ROBO1: variants seen among roughly 807,000 people sequenced by gnomAD.
The protein encoded by ROBO1 is roundabout guidance receptor 1.
Under a neutral mutation model 195.9 loss-of-function variants are expected in ROBO1, and 149 were observed. That is an observed-to-expected ratio of 0.76 (90% CI 0.67 to 0.87). The LOEUF (loss-of-function observed/expected upper bound fraction) is 0.87, where lower values mean the gene tolerates loss of function less well. Among genes scored for constraint, ROBO1 ranks in the 40% least tolerant of loss-of-function variants. ROBO1 has a pLI of 0.00. For missense variants in ROBO1, 1,933 were observed against 2,068.3 expected (o/e 0.93, Z 1.27); for synonymous variants, 816 against 733.2 (o/e 1.11, Z -1.82).
At chr3:79,067,724 A>C (rs1335887981) in intron 3 of ROBO1, among the ~76,000 whole-genome samples, 1 of 152,020 alleles carries the variant, frequency 6.6e-6, no homozygotes, top group African/African-American at 2.4e-5. Context: ...GTGGCAAATT[A>C]AACTAAAACT....
At chr3:79,560,169 A>G (rs1307431230) in intron 2 of ROBO1, among the ~76,000 whole-genome samples, 1 of 151,976 alleles carries the variant, frequency 6.6e-6, no homozygotes, top group African/African-American at 2.4e-5. Context: ...AATACTTGCC[A>G]CAACACATAT....
At chr3:79,578,857 G>T (rs754004709) in intron 2 of ROBO1, among the ~76,000 whole-genome samples, 6 of 152,156 alleles carry the variant, frequency 3.9e-5, no homozygotes, top group East Asian at 3.9e-4. Flanking sequence ...AACCACAATT[G>T]TATCACTATA....
At chr3:79,294,014 C>T (rs1252788155) in intron 2 of ROBO1, among the ~76,000 whole-genome samples, 7 of 136,740 alleles carry the variant, frequency 5.1e-5, no homozygotes, top group African/African-American at 1.1e-4. Context: ...GCCGAGATCG[C>T]GCCACTGCAC....
chr3:79,471,297 T>A (rs1456141873), intron 2 of ROBO1, among the ~76,000 whole-genome samples: 1 of 152,018 alleles, frequency 6.6e-6, no homozygotes, highest in Non-Finnish European at 1.5e-5. Context: ...AAATAAAAAA[T>A]AGATAAATGG....
intron 2 of ROBO1, among the ~76,000 whole-genome samples, chr3:79,491,199 A>G (rs988906236): frequency 1.3e-5 from 2 of 148,208 alleles, no homozygotes. Flanking sequence ...AAATGGAAGG[A>G]AAGGGGTGGA....
chr3:78,756,593 GTC>G (rs1221215658), intron 4 of ROBO1, among the ~76,000 whole-genome samples: 1 of 152,112 alleles, frequency 6.6e-6, no homozygotes, highest in Non-Finnish European at 1.5e-5. Context: ...ACAAGACAAA[GTC>G]TCTGCTTTCA....
intron 2 of ROBO1, among the ~76,000 whole-genome samples, chr3:79,546,507 T>C (rs1246897708): frequency 6.6e-6 from 1 of 152,218 alleles, no homozygotes; most frequent in Non-Finnish European, 1.5e-5. Context: ...ACATGATTTG[T>C]AAGAGTTAAG....
intron 4 of ROBO1, among the ~76,000 whole-genome samples, chr3:78,805,487 AAAC>A (rs2084508744): frequency 6.6e-6 from 1 of 152,086 alleles, no homozygotes; most frequent in Admixed American, 6.6e-5. Flanking sequence ...GACTTTTACT[AAAC>A]AAATGTATCT....
chr3:79,066,506 T>A (rs763134846), intron 3 of ROBO1, among the ~76,000 whole-genome samples: 2 of 151,940 alleles, frequency 1.3e-5, no homozygotes, highest in African/African-American at 2.4e-5. Flanking sequence ...CACTTTGTAA[T>A]GAGAACACTG....
At chr3:79,500,205 G>C (rs188302728) in intron 2 of ROBO1, among the ~76,000 whole-genome samples, 1 of 128,528 alleles carries the variant, frequency 7.8e-6, no homozygotes, top group Non-Finnish European at 1.6e-5. Flanking sequence ...ATCTCAGCTC[G>C]CTGCAACCTC....
intron 2 of ROBO1, among the ~76,000 whole-genome samples, chr3:79,310,578 G>A (rs2109092562): frequency 6.6e-6 from 1 of 152,208 alleles, no homozygotes; most frequent in South Asian, 2.1e-4. Flanking sequence ...TGTAAGTAGG[G>A]TGGTTATAGT....
In ROBO1 at chr3:79,166,628, C is replaced by T. The variant is rs367710611; in HGVS notation, c.89-41089G>A. 9.4e-5 allele frequency among the ~76,000 whole-genome samples: 14 copies of T among 148,400 alleles called. No homozygotes were observed. In the Middle Eastern group the frequency reaches 0.011, roughly 113 times the overall value. On this transcript the variant is annotated intron_variant, in intron 2 of 30. Coordinates refer to ENST00000464233, the MANE Select transcript of ROBO1 (RefSeq NM_002941.4). The stretch of plus-strand genomic sequence containing the variant: ...TCGCACAGGCTGGAGTGCAGTGGTG[C>T]AATCTCGGCTCACTGCAAGCTCCGC...
chr3:78,955,662 T>G (rs1253844353), intron 3 of ROBO1, among the ~76,000 whole-genome samples: 2 of 152,170 alleles, frequency 1.3e-5, no homozygotes, highest in African/African-American at 4.8e-5. Flanking sequence ...ACTTTTTGCA[T>G]TAGGCAATCA....
At chr3:78,669,669 T>C (rs563286978) in intron 11 of ROBO1, among the ~76,000 whole-genome samples, 40 of 152,342 alleles carry the variant, frequency 2.6e-4, no homozygotes, top group Admixed American at 7.8e-4. Context: ...TTTGCATGTA[T>C]AGTTTTGCCA....
At chr3:78,826,045 C>T (rs2031566072) in intron 4 of ROBO1, among the ~76,000 whole-genome samples, 1 of 152,100 alleles carries the variant, frequency 6.6e-6, no homozygotes, top group African/African-American at 2.4e-5. Context: ...TGTAGTATGG[C>T]CACAGAGCTA....
At chr3:79,059,380 T>A (rs994262214) in intron 3 of ROBO1, among the ~76,000 whole-genome samples, 1 of 152,024 alleles carries the variant, frequency 6.6e-6, no homozygotes, top group Non-Finnish European at 1.5e-5. Flanking sequence ...CTGTAGTAAA[T>A]TTTGGAATTA....
intron 5 of ROBO1, among the ~76,000 whole-genome samples, chr3:78,718,870 G>T (rs11708898): frequency 2.2e-5 from 3 of 137,094 alleles, no homozygotes; most frequent in African/African-American, 5.4e-5. Context: ...GAGGGAGAGA[G>T]GGAAAAAGGG....
intron 4 of ROBO1, among the ~76,000 whole-genome samples, chr3:78,880,885 A>G (rs2036137549): frequency 1.3e-5 from 2 of 152,154 alleles, no homozygotes; most frequent in Non-Finnish European, 2.9e-5. Context: ...GGGTCTACAC[A>G]ATTTCTCCAC....
chr3:79,313,919 G>T (rs1285313062), intron 2 of ROBO1, among the ~76,000 whole-genome samples: 1 of 152,264 alleles, frequency 6.6e-6, no homozygotes, highest in Admixed American at 6.5e-5. Flanking sequence ...AAGCAATAAA[G>T]ATAAATGAAG....
Sources: allele counts gnomAD v4.1 joint callset (sites outside exome capture counted in the v4.1 genomes callset), GRCh38; gene constraint gnomAD v4.1.1; transcripts MANE v1.5; gene names NCBI Gene and HGNC (gene_info 2026-07-23, HGNC 2026-07-21).